The following ATXN1 variants were observed in gnomAD, a reference collection of about 807,000 sequenced individuals.
ATXN1 encodes the protein ataxin 1, also known as ataxin-1.
ATXN1 carries 8 observed loss-of-function variants against 56.4 expected under a neutral mutation model. The observed-to-expected ratio is 0.14, with a 90% CI of 0.08 to 0.26. ATXN1 has a LOEUF of 0.26. ATXN1 is among the 10% of genes least tolerant of loss of function. The probability of loss-of-function intolerance (pLI) is 1.00; values close to 1 mark genes in which losing one functional copy is unlikely to be tolerated. For synonymous variants in ATXN1, 514 were observed against 494.6 expected (o/e 1.04, Z -0.52); for missense variants, 987 against 1,106.5 (o/e 0.89, Z 1.53).
intron 7 of ATXN1, among the ~76,000 whole-genome samples, chr6:16,310,236 T>C (rs1026609319): frequency 1.4e-4 from 21 of 152,180 alleles, no homozygotes; most frequent in African/African-American, 3.9e-4. Flanking sequence ...GAATTCTATA[T>C]GGAGCAAAAA....
At chr6:16,316,012 C>T (rs1476030380) in intron 7 of ATXN1, among the ~76,000 whole-genome samples, 1 of 152,154 alleles carries the variant, frequency 6.6e-6, no homozygotes, top group African/African-American at 2.4e-5. Flanking sequence ...GGATCCCCAA[C>T]CCCCAGGCAA....
intron 2 of ATXN1, among the ~76,000 whole-genome samples, chr6:16,699,718 C>T (rs3812205): frequency 0.11 from 16,052 of 152,148 alleles, 923 homozygotes; most frequent in East Asian, 0.17. Context: ...AACGTAAGAC[C>T]TCACCAACTT....
intron 2 of ATXN1, among the ~76,000 whole-genome samples, chr6:16,658,894 C>T (rs575671163): frequency 3.3e-5 from 5 of 152,312 alleles, no homozygotes; most frequent in East Asian, 3.9e-4. Flanking sequence ...AAAGGTCCCA[C>T]GGTGATCATC....
chr6:16,488,351 A>C (rs746705219), intron 5 of ATXN1, among the ~76,000 whole-genome samples: 8 of 152,218 alleles, frequency 5.3e-5, no homozygotes, highest in Non-Finnish European at 1.0e-4. Context: ...TGGATCAGGT[A>C]CCAGATTTCT....
At chr6:16,536,413 G>T (rs1380825625) in intron 4 of ATXN1, among the ~76,000 whole-genome samples, 1 of 152,072 alleles carries the variant, frequency 6.6e-6, no homozygotes, top group Admixed American at 6.6e-5. Flanking sequence ...AATATTATTT[G>T]CAAAATCTAG....
chr6:16,595,604 G>A (rs1013712975), intron 3 of ATXN1, among the ~76,000 whole-genome samples: 1 of 152,250 alleles, frequency 6.6e-6, no homozygotes, highest in Non-Finnish European at 1.5e-5. Context: ...CACAGTCAGT[G>A]TGTTCTTTCT....
chr6:16,683,924 G>A (rs1758865534), intron 2 of ATXN1, among the ~76,000 whole-genome samples: 1 of 152,198 alleles, frequency 6.6e-6, no homozygotes, highest in Non-Finnish European at 1.5e-5. Flanking sequence ...AGTGCCTCCA[G>A]CAGTGGCACA....
At chr6:16,646,924 G>C (rs764834331) in intron 3 of ATXN1, among the ~76,000 whole-genome samples, 1 of 152,188 alleles carries the variant, frequency 6.6e-6, no homozygotes, top group East Asian at 1.9e-4. Context: ...TTCCATGAAA[G>C]TGGTATGATA....
Position 16,327,227 on chromosome 6 carries a change from C to T in ATXN1, c.1084G>A (p.Val362Met), listed in dbSNP as rs781352542. 1.7e-5 allele frequency: 27 copies of T among 1,613,578 alleles called. No individual in the cohort carries two copies. The highest frequency in any genetic ancestry group is 2.2e-5 in the Non-Finnish European group (26 of 1,179,696). The change falls in exon 7 of 8, where the codon GTG (valine) becomes ATG (methionine). Residue 362 changes from valine (V) to methionine (M), a missense_variant. By Grantham distance (21) the Val-to-Met change is conservative. Coordinates refer to ENST00000436367, the MANE Select transcript of ATXN1 (RefSeq NM_001128164.2). ...TAGTCTGAGGGGCTCGGGTGGACCA[C>T]CACGTGCCTGGACTCGTACGGGTGA... is the stretch of plus-strand genomic sequence containing the variant. ...VPHPYESRHVVVHPSPSDYSS... is the reference protein window; with the variant it reads ...VPHPYESRHVMVHPSPSDYSS...
chr6:16,605,008 G>C (rs1183690372), intron 3 of ATXN1, among the ~76,000 whole-genome samples: 2 of 152,186 alleles, frequency 1.3e-5, no homozygotes. Context: ...ATCATAACAA[G>C]AGAAAGTGTT....
chr6:16,349,684 G>A (rs1214498560), intron 6 of ATXN1, among the ~76,000 whole-genome samples: 1 of 152,148 alleles, frequency 6.6e-6, no homozygotes, highest in East Asian at 1.9e-4. Context: ...GGTTCAGAAA[G>A]TTTACTAAGT....
At chr6:16,587,886 G>A (rs924508329) in intron 3 of ATXN1, among the ~76,000 whole-genome samples, 12 of 150,888 alleles carry the variant, frequency 8.0e-5, no homozygotes, top group African/African-American at 2.4e-4. Context: ...AGCTGAGATC[G>A]TGCCATTGCA....
At chr6:16,444,660 G>A (rs889577185) in intron 6 of ATXN1, among the ~76,000 whole-genome samples, 1 of 152,158 alleles carries the variant, frequency 6.6e-6, no homozygotes, top group East Asian at 1.9e-4. Context: ...GCACCGGGTA[G>A]ATAAATTACA....
chr6:16,653,387 G>A (rs1758112671), intron 3 of ATXN1, among the ~76,000 whole-genome samples: 1 of 152,244 alleles, frequency 6.6e-6, no homozygotes, highest in African/African-American at 2.4e-5. Flanking sequence ...AGCTAAACTT[G>A]ATCCTTTTCA....
chr6:16,570,767 G>T (rs545387199), intron 4 of ATXN1, among the ~76,000 whole-genome samples: 2 of 152,272 alleles, frequency 1.3e-5, no homozygotes, highest in Admixed American at 1.3e-4. Flanking sequence ...TTCATAAGTT[G>T]TTAGAGGGTA....
In ATXN1 at chr6:16,644,254, T is replaced by G. The variant is rs551379709; in HGVS notation, c.-489+13522A>C. Among the ~76,000 whole-genome samples the G allele has an allele frequency of 2.0e-5, 3 of 152,260 alleles. No individual in the cohort carries two copies. The South Asian group carries it at 6.2e-4, about 32-fold the overall frequency. The stretch of plus-strand genomic sequence containing the variant: ...AATGGTTAAACTGGGCCAGGTGTGG[T>G]GGCTCACGCCCCAGCACTTTGGGAG... On this transcript the variant is annotated intron_variant, in intron 3 of 7. Transcript: ENST00000436367.
rs562128363 is a variant in ATXN1 at position 16,585,942 on chromosome 6, G to C, written c.-488-35C>G. 3.9e-5 allele frequency: 6 copies of C among 152,212 alleles called. No homozygotes were observed. The East Asian group carries it at 5.8e-4, about 15-fold the overall frequency. 9.4% of individuals were successfully genotyped at this position (152,212 alleles called of 1,614,324 possible). On this transcript the variant is annotated intron_variant, in intron 3 of 7. Transcript: ENST00000436367. ...TAAAAACAATATTCTCACTGAGTTA[G>C]GCTGCTTCTGTGGTCTTCATTCACA...
chr6:16,540,235 C>T (rs558111125), intron 4 of ATXN1, among the ~76,000 whole-genome samples: 82 of 152,170 alleles, frequency 5.4e-4, no homozygotes, highest in African/African-American at 1.8e-3. Context: ...TTTTTGGAGA[C>T]GGAATCTTGT....
chr6:16,529,938 T>C (rs1369834504), intron 4 of ATXN1, among the ~76,000 whole-genome samples: 1 of 152,188 alleles, frequency 6.6e-6, no homozygotes, highest in Non-Finnish European at 1.5e-5. Flanking sequence ...AATGAATGAA[T>C]CCTCAGAGAA....
Sources: gnomAD v4.1 joint callset for allele counts (sites outside exome capture counted in the v4.1 genomes callset) on GRCh38, gnomAD v4.1.1 for gene constraint, MANE v1.5 for transcripts, NCBI Gene and HGNC (gene_info 2026-07-23, HGNC 2026-07-21) for gene names.